The following NELL1 variants were observed in gnomAD, a reference collection of about 807,000 sequenced individuals.
NELL1 encodes protein kinase C-binding protein NELL1.
A neutral mutation model predicts 107.4 loss-of-function variants in NELL1; 76 were observed. The observed-to-expected ratio is 0.71, with a 90% CI of 0.59 to 0.86. The LOEUF is 0.86. Among genes scored for constraint, NELL1 ranks in the 40% least tolerant of loss-of-function variants. The pLI is 0.00. For synonymous variants in NELL1, 353 were observed against 341.2 expected (o/e 1.03, Z -0.38); for missense variants, 1,024 against 1,005.5 (o/e 1.02, Z -0.25).
At chr11:21,408,168 T>C in intron 15 of NELL1, among the ~76,000 whole-genome samples, 1 of 151,936 alleles carries the variant, frequency 6.6e-6, no homozygotes, top group East Asian at 2.0e-4. Flanking sequence ...TCACTTAACA[T>C]GAAGTCAAGG....
Position 21,532,616 on chromosome 11 carries a change from A to G in NELL1, c.1646-1758A>G, listed in dbSNP as rs113606141. 5.3e-3 allele frequency among the ~76,000 whole-genome samples: 807 copies of G among 152,294 alleles called. 6 individuals are homozygous for G. The highest frequency in any genetic ancestry group is 0.017 in the Middle Eastern group (5 of 294). ...ATGGCTATTACCTAAAGTATTGTCCACAGCCTGTAGGCAACAGGGTCTGTG... is the reference window on the plus strand; with the variant it reads ...ATGGCTATTACCTAAAGTATTGTCCGCAGCCTGTAGGCAACAGGGTCTGTG... On this transcript the variant is annotated intron_variant, in intron 15 of 19. Coordinates refer to ENST00000357134, the MANE Select transcript of NELL1 (RefSeq NM_006157.5).
chr11:21,495,029 T>G lies in NELL1; in HGVS notation c.1646-39345T>G, dbSNP rs374686903. On this transcript the variant is annotated intron_variant, in intron 15 of 19. Transcript: ENST00000357134. The stretch of plus-strand genomic sequence containing the variant: ...TTATTGAGATATATTTCAAATATCA[T>G]ACATTTAACCCATGTAAAACATATG... Among the ~76,000 whole-genome samples, 7 of 152,234 alleles carry G rather than the reference T, an allele frequency of 4.6e-5. 1 individual carries two copies. Among genetic ancestry groups the G allele is most frequent in the African/African-American group, 1.7e-4 (7 of 41,568 alleles).
At chr11:21,075,398 C>T (rs7932948) in intron 12 of NELL1, among the ~76,000 whole-genome samples, 38 of 152,066 alleles carry the variant, frequency 2.5e-4, no homozygotes, top group Admixed American at 8.5e-4. Flanking sequence ...ACTATAATAT[C>T]ACAAGGAAGA....
At chr11:21,134,139 TC>T (rs368988270) in intron 13 of NELL1, among the ~76,000 whole-genome samples, 6 of 152,364 alleles carry the variant, frequency 3.9e-5, no homozygotes, top group African/African-American at 1.4e-4. Context: ...CTATTGTCAT[TC>T]TTCTTTGGCA....
intron 14 of NELL1, among the ~76,000 whole-genome samples, chr11:21,240,768 G>A (rs888065544): frequency 9.7e-6 from 1 of 103,512 alleles, no homozygotes; most frequent in Non-Finnish European, 2.5e-5. Context: ...CTTTCTAGTG[G>A]GGGGGGGGAG....
intron 14 of NELL1, among the ~76,000 whole-genome samples, chr11:21,352,635 C>CA (rs1850843516): frequency 6.6e-6 from 1 of 152,036 alleles, no homozygotes; most frequent in Admixed American, 6.6e-5. Context: ...TGGGGATGGC[C>CA]CTTAATTGGT....
intron 2 of NELL1, among the ~76,000 whole-genome samples, chr11:20,742,142 G>A (rs1027789805): frequency 6.6e-6 from 1 of 152,128 alleles, no homozygotes; most frequent in African/African-American, 2.4e-5. Flanking sequence ...CAGTAAGAAG[G>A]GCTTCTTTTT....
chr11:21,488,497 G>C (rs571679239), intron 15 of NELL1, among the ~76,000 whole-genome samples: 8 of 152,158 alleles, frequency 5.3e-5, no homozygotes, highest in African/African-American at 1.7e-4. Context: ...CAGGGGCTTA[G>C]GGTATGGTTA....
intron 2 of NELL1, among the ~76,000 whole-genome samples, chr11:20,762,040 G>A (rs770267379): frequency 3.9e-5 from 6 of 152,192 alleles, no homozygotes; most frequent in Non-Finnish European, 8.8e-5. Flanking sequence ...TGATTTTTCC[G>A]ATGTAAAGTT....
At chr11:21,561,197 G>GT (rs1224622802) in intron 17 of NELL1, among the ~76,000 whole-genome samples, 1 of 151,970 alleles carries the variant, frequency 6.6e-6, no homozygotes, top group Non-Finnish European at 1.5e-5. Flanking sequence ...TACTTGCTTA[G>GT]TAGCCTCTTA....
intron 12 of NELL1, among the ~76,000 whole-genome samples, chr11:21,027,961 G>A (rs1353056905): frequency 6.6e-6 from 1 of 152,022 alleles, no homozygotes; most frequent in Non-Finnish European, 1.5e-5. Context: ...GTTTTTTTCT[G>A]GAGTCTAACT....
chr11:20,678,180 T>A, intron 2 of NELL1, 120 bp downstream of exon 2: 1 of 1,159,518 alleles, frequency 8.6e-7, no homozygotes, highest in Non-Finnish European at 1.3e-6. Context: ...TGTGTTGCTG[T>A]CTTGAGTGTT....
chr11:20,845,249 T>C (rs573104188), intron 3 of NELL1, among the ~76,000 whole-genome samples: 1 of 152,210 alleles, frequency 6.6e-6, no homozygotes, highest in South Asian at 2.1e-4. Context: ...TCTTTTCTCC[T>C]AGCTATATAT....
At position 20,948,789 on chromosome 11, in the gene NELL1, A is replaced by C. The variant is rs4553361; in HGVS notation, c.1171+1354A>C. Among the ~76,000 whole-genome samples the C allele has an allele frequency of 6.4e-3, 908 of 141,728 alleles. 8 individuals carry two copies. The highest frequency in any genetic ancestry group is 0.021 in the African/African-American group (826 of 38,964). The allele number at this position is 141,728 out of a possible 152,430, so 93.0% of individuals were successfully genotyped here. On this transcript the variant is annotated intron_variant, in intron 11 of 19. Transcript: ENST00000357134. ...TTAAAAAAAAAAAAAAAAAAAAAACAGTTAAACTCATAGGTATTATTTTAA... is the reference window on the plus strand; with the variant it reads ...TTAAAAAAAAAAAAAAAAAAAAAACCGTTAAACTCATAGGTATTATTTTAA...
intron 14 of NELL1, among the ~76,000 whole-genome samples, chr11:21,303,723 G>A (rs139704694): frequency 1.3e-5 from 2 of 152,182 alleles, no homozygotes; most frequent in African/African-American, 4.8e-5. Flanking sequence ...GTTTATCACA[G>A]CACTATTCAC....
At chr11:21,372,297 T>G (rs2133755278) in intron 15 of NELL1, among the ~76,000 whole-genome samples, 1 of 151,634 alleles carries the variant, frequency 6.6e-6, no homozygotes, top group African/African-American at 2.4e-5. Flanking sequence ...AAACAAAAAC[T>G]AAAAGATTCT....
intron 3 of NELL1, among the ~76,000 whole-genome samples, chr11:20,814,203 C>T (rs1287617260): frequency 6.6e-6 from 1 of 152,062 alleles, no homozygotes; most frequent in Non-Finnish European, 1.5e-5. Context: ...ACCGTGTTAG[C>T]CAGGATGGTC....
chr11:20,726,188 A>G (rs954537865), intron 2 of NELL1, among the ~76,000 whole-genome samples: 13 of 152,224 alleles, frequency 8.5e-5, no homozygotes, highest in African/African-American at 3.1e-4. Flanking sequence ...GCCATTGGGA[A>G]TAGCACTGTG....
rs115551062 is a variant in NELL1 at position 21,013,272 on chromosome 11, G to A, written c.1300+52712G>A. Among the ~76,000 whole-genome samples, 1,021 of 152,190 alleles carry A rather than the reference G, an allele frequency of 6.7e-3. 8 individuals are homozygous for A. Among genetic ancestry groups the A allele is most frequent in the African/African-American group, 0.023 (970 of 41,526 alleles). On this transcript the variant is annotated intron_variant, in intron 12 of 19. Transcript: ENST00000357134. ...CTCATAAGCAGAACTTTGGCCACCC[G>A]CTGGGACCTGCTGGCTTATGCCCTG...
Sources: gnomAD v4.1 joint callset for allele counts (sites outside exome capture counted in the v4.1 genomes callset) on GRCh38, gnomAD v4.1.1 for gene constraint, MANE v1.5 for transcripts, NCBI Gene and HGNC (gene_info 2026-07-23, HGNC 2026-07-21) for gene names.